SAMMSON: variants seen among roughly 807,000 people sequenced by gnomAD.
SAMMSON encodes long intergenic non-protein coding RNA 1212.
At chr3:70,045,131 A>C (rs1448237736) in intron 3 of SAMMSON, among the ~76,000 whole-genome samples, 1 of 130,254 alleles carries the variant, frequency 7.7e-6, no homozygotes, top group African/African-American at 2.9e-5. Flanking sequence ...TAATTATAAT[A>C]TATTATAATT....
intron 4 of SAMMSON, among the ~76,000 whole-genome samples, chr3:70,139,948 C>T (rs1179823890): frequency 6.6e-6 from 1 of 152,162 alleles, no homozygotes; most frequent in African/African-American, 2.4e-5. Flanking sequence ...CCTTCATGTT[C>T]TCTTCCATAC....
intron 6 of SAMMSON, among the ~76,000 whole-genome samples, chr3:70,282,458 A>G (rs1295377939): frequency 6.6e-6 from 1 of 152,190 alleles, no homozygotes; most frequent in East Asian, 1.9e-4. Flanking sequence ...TTAAAGTCAT[A>G]TCATGGCCTG....
chr3:70,152,349 C>T (rs2067575257), intron 4 of SAMMSON, among the ~76,000 whole-genome samples: 1 of 151,996 alleles, frequency 6.6e-6, no homozygotes, highest in South Asian at 2.1e-4. Context: ...ATGCCCCTTG[C>T]ATTTTTGAAT....
intron 2 of SAMMSON, among the ~76,000 whole-genome samples, chr3:70,420,424 C>T (rs2106773991): frequency 6.6e-6 from 1 of 152,308 alleles, no homozygotes; most frequent in African/African-American, 2.4e-5. Context: ...GGGAAAGTGA[C>T]TGTCTCATAG....
chr3:70,382,157 AG>A (rs1290890791), intron 9 of SAMMSON, among the ~76,000 whole-genome samples: 2 of 152,172 alleles, frequency 1.3e-5, no homozygotes, highest in African/African-American at 4.8e-5. Flanking sequence ...AGGTATATAA[AG>A]GTTCAGTTTC....
chr3:70,338,057 A>G (rs1029331566), intron 7 of SAMMSON, among the ~76,000 whole-genome samples: 5 of 151,614 alleles, frequency 3.3e-5, no homozygotes, highest in African/African-American at 9.7e-5. Context: ...TTTATAATAC[A>G]TTTCAAATAT....
intron 3 of SAMMSON, among the ~76,000 whole-genome samples, chr3:70,060,662 T>G (rs1187889147): frequency 6.6e-6 from 1 of 152,104 alleles, no homozygotes; most frequent in Non-Finnish European, 1.5e-5. Context: ...TGGCATCTGG[T>G]AGGCAGAGGC....
chr3:70,216,308 T>C (rs1378330174), intron 4 of SAMMSON, among the ~76,000 whole-genome samples: 1 of 150,354 alleles, frequency 6.7e-6, no homozygotes, highest in Non-Finnish European at 1.5e-5. Context: ...ATACTACATA[T>C]TCTAATTATA....
intron 7 of SAMMSON, among the ~76,000 whole-genome samples, chr3:70,343,298 T>A (rs2106730085): frequency 6.6e-6 from 1 of 152,318 alleles, no homozygotes; most frequent in Non-Finnish European, 1.5e-5. Context: ...AGTTTTAATA[T>A]TAACTAAAGG....
chr3:70,229,665 G>A (rs571037295), intron 4 of SAMMSON, among the ~76,000 whole-genome samples: 12 of 152,232 alleles, frequency 7.9e-5, no homozygotes, highest in Middle Eastern at 3.4e-3. Flanking sequence ...AGAAAATATG[G>A]TAGACAACTC....
chr3:70,414,989 A>G (rs1052954889), intron 2 of SAMMSON, among the ~76,000 whole-genome samples: 1 of 152,130 alleles, frequency 6.6e-6, no homozygotes, highest in African/African-American at 2.4e-5. Context: ...GAGAGGAAAA[A>G]AGATCCATGC....
intron 4 of SAMMSON, among the ~76,000 whole-genome samples, chr3:70,122,110 G>A (rs541012264): frequency 4.6e-5 from 7 of 152,178 alleles, no homozygotes; most frequent in Admixed American, 1.3e-4. Context: ...AAAAGTATTA[G>A]TCATTGAGGA....
intron 7 of SAMMSON, among the ~76,000 whole-genome samples, chr3:70,301,573 A>G (rs1194292377): frequency 6.6e-6 from 1 of 152,006 alleles, no homozygotes; most frequent in Non-Finnish European, 1.5e-5. Flanking sequence ...TTAATTATAT[A>G]TTATTTTGTA....
At chr3:70,062,167 C>T (rs1288505562) in intron 3 of SAMMSON, among the ~76,000 whole-genome samples, 3 of 151,980 alleles carry the variant, frequency 2.0e-5, no homozygotes, top group Non-Finnish European at 4.4e-5. Context: ...CCGCATGGCC[C>T]GTTTCCCCAC....
intron 4 of SAMMSON, among the ~76,000 whole-genome samples, chr3:70,148,904 C>T (rs934841587): frequency 2.6e-5 from 4 of 152,026 alleles, no homozygotes; most frequent in African/African-American, 9.7e-5. Flanking sequence ...GAATGGATTT[C>T]TGAGATTATG....
At chr3:70,116,471 C>G (rs1013808139) in intron 4 of SAMMSON, among the ~76,000 whole-genome samples, 4 of 151,694 alleles carry the variant, frequency 2.6e-5, no homozygotes, top group Non-Finnish European at 5.9e-5. Flanking sequence ...AAAGGCAACA[C>G]GAGAGACTTT....
chr3:70,284,508 C>A (rs892846954), intron 6 of SAMMSON, among the ~76,000 whole-genome samples: 1 of 152,114 alleles, frequency 6.6e-6, no homozygotes, highest in Admixed American at 6.6e-5. Context: ...AAATGCCCAT[C>A]AATGATAGAC....
chr3:70,121,129 G>A (rs1273501854), intron 4 of SAMMSON, among the ~76,000 whole-genome samples: 3 of 152,168 alleles, frequency 2.0e-5, no homozygotes, highest in African/African-American at 4.8e-5. Context: ...AATAGGGTTC[G>A]CGCTCCTATA....
chr3:70,378,486 G>A (rs1703039088), intron 9 of SAMMSON, among the ~76,000 whole-genome samples: 1 of 152,016 alleles, frequency 6.6e-6, no homozygotes. Context: ...TGGGTAAATA[G>A]GCTTATTTTA....
Sources: gnomAD v4.1 joint callset for allele counts (sites outside exome capture counted in the v4.1 genomes callset) on GRCh38, gnomAD v4.1.1 for gene constraint, MANE v1.5 for transcripts, NCBI Gene and HGNC (gene_info 2026-07-23, HGNC 2026-07-21) for gene names.